Variants in MCC observed in about 807,000 individuals in gnomAD.
MCC encodes MCC regulator of Wnt signaling pathway.
A neutral mutation model predicts 116.2 loss-of-function variants in MCC; 90 were observed. That is an observed-to-expected ratio of 0.77 (90% CI 0.65 to 0.92). The LOEUF is 0.92. Ranked by LOEUF, MCC falls within the 40% of genes least tolerant of loss-of-function variation. MCC has a pLI of 0.00. For missense variants in MCC, 1,516 were observed against 1,312.2 expected, an observed-to-expected ratio of 1.16 and a Z score of -2.40; for synonymous variants, 578 against 510.5, an observed-to-expected ratio of 1.13 and a Z score of -1.78.
chr5:113,092,246 T>C (rs920811780), intron 8 of MCC, among the ~76,000 whole-genome samples: 5 of 151,944 alleles, frequency 3.3e-5, no homozygotes, highest in African/African-American at 1.2e-4. Context: ...AAGACCCCTC[T>C]AAGAGGGAAG....
chr5:113,213,441 T>C (rs888163594), intron 3 of MCC, among the ~76,000 whole-genome samples: 4 of 152,190 alleles, frequency 2.6e-5, no homozygotes, highest in African/African-American at 9.7e-5. Flanking sequence ...ACAGTGTTCA[T>C]GGCTTTCAGT....
chr5:113,186,882 C>T (rs1348531496), intron 3 of MCC, among the ~76,000 whole-genome samples: 1 of 151,976 alleles, frequency 6.6e-6, no homozygotes, highest in East Asian at 1.9e-4. Flanking sequence ...TTTTCACAAC[C>T]GGGGGAGGAT....
Position 113,386,043 on chromosome 5 carries a change from C to T in MCC, c.171-831G>A, listed in dbSNP as rs865877127. The stretch of plus-strand genomic sequence containing the variant: ...CCAAGAACATTTATGTGGAGGACAT[C>T]GGTTTGATCCCTGACATACAAGTCT... On this transcript the variant is annotated intron_variant, in intron 1 of 18. Transcript: ENST00000408903. Among the ~76,000 whole-genome samples the T allele has an allele frequency of 2.6e-5, 4 of 152,210 alleles. No individual in the cohort carries two copies. In the East Asian group the frequency reaches 5.8e-4, roughly 22 times the overall value.
intron 3 of MCC, among the ~76,000 whole-genome samples, chr5:113,179,808 G>A (rs116652026): frequency 0.013 from 1,940 of 152,278 alleles, 17 homozygotes; most frequent in Middle Eastern, 0.024. Flanking sequence ...AAGGCCTGCC[G>A]TGTTTACAAG....
intron 3 of MCC, among the ~76,000 whole-genome samples, chr5:113,311,248 C>T (rs1767128275): frequency 6.6e-6 from 1 of 152,246 alleles, no homozygotes; most frequent in Non-Finnish European, 1.5e-5. Context: ...TTGCCTATAA[C>T]TTTGTAGTAC....
At chr5:113,294,267 G>C (rs1258274582) in intron 3 of MCC, 3 of 1,610,704 alleles carry the variant, frequency 1.9e-6, no homozygotes, top group Non-Finnish European at 2.5e-6. Context: ...TCGAGGGGAG[G>C]GGGATTTGTG....
In MCC at chr5:113,314,584, T is replaced by C. The variant is rs146471634; in HGVS notation, c.627+25935A>G. 3.1e-3 allele frequency among the ~76,000 whole-genome samples: 466 copies of C among 152,172 alleles called. 4 individuals carry two copies. Among genetic ancestry groups the C allele is most frequent in the African/African-American group, 0.011 (447 of 41,516 alleles). On this transcript the variant is annotated intron_variant, in intron 3 of 18. Coordinates refer to ENST00000408903, the MANE Select transcript of MCC (RefSeq NM_001085377.2). ...ACTCTCCACCTTTGACCCCACTTGG[T>C]CATTTTTATTTTTATTTTTCTGAGA...
chr5:113,350,421 G>T (rs192393591), intron 2 of MCC, among the ~76,000 whole-genome samples: 4 of 152,174 alleles, frequency 2.6e-5, no homozygotes, highest in Admixed American at 2.0e-4. Context: ...TTTGACAAAG[G>T]TGTCAAGAAC....
intron 3 of MCC, among the ~76,000 whole-genome samples, chr5:113,155,884 T>C (rs949230581): frequency 6.6e-6 from 1 of 152,186 alleles, no homozygotes; most frequent in African/African-American, 2.4e-5. Context: ...CATCCTTCAG[T>C]GTAGTTTGCG....
intron 1 of MCC, among the ~76,000 whole-genome samples, chr5:113,404,737 T>C (rs26966): frequency 0.45 from 67,592 of 151,886 alleles, 16,597 homozygotes; most frequent in African/African-American, 0.65. Flanking sequence ...ATCTATACAA[T>C]GCCATGAATA....
At chr5:113,366,318 A>T (rs2150387194) in intron 2 of MCC, among the ~76,000 whole-genome samples, 1 of 152,112 alleles carries the variant, frequency 6.6e-6, no homozygotes, top group Non-Finnish European at 1.5e-5. Context: ...ATGAAATCTT[A>T]GTAGGTTTTT....
intron 14 of MCC, among the ~76,000 whole-genome samples, chr5:113,059,216 C>G (rs1325165826): frequency 6.6e-6 from 1 of 152,130 alleles, no homozygotes; most frequent in Non-Finnish European, 1.5e-5. Context: ...CTTTAAAATG[C>G]TTTTAGTGGA....
At chr5:113,437,777 T>G (rs929382915) in intron 1 of MCC, among the ~76,000 whole-genome samples, 1 of 152,208 alleles carries the variant, frequency 6.6e-6, no homozygotes, top group Admixed American at 6.5e-5. Context: ...ATATCCCAGA[T>G]AGTTGAGTTA....
At chr5:113,121,776 G>C (rs894432764) in intron 6 of MCC, among the ~76,000 whole-genome samples, 4 of 152,178 alleles carry the variant, frequency 2.6e-5, no homozygotes, top group African/African-American at 4.8e-5. Flanking sequence ...CTTTCTCCTG[G>C]TTCTTCTTCC....
In MCC at chr5:113,045,799, CA is replaced by C. The variant is rs70973664; in HGVS notation, c.2656-2170del. 1.2e-3 allele frequency among the ~76,000 whole-genome samples: 160 copies of C among 131,292 alleles called. 1 individual carries two copies. The highest frequency in any genetic ancestry group is 3.4e-3 in the African/African-American group (120 of 34,838). 86.1% of individuals were successfully genotyped at this position (131,292 alleles called of 152,430 possible). ...GGGCAACAAGAGTGAAACTCCATCT[CA>C]AAAAAAAAAAAAAAAATTAAATAAA... On this transcript the variant is annotated intron_variant, in intron 16 of 18. Transcript: ENST00000408903.
intron 14 of MCC, 120 bp from the exon 15 acceptor site, chr5:113,054,079 C>A: frequency 1.4e-6 from 1 of 701,038 alleles, no homozygotes; most frequent in Non-Finnish European, 2.4e-6. Flanking sequence ...GATGGTAATC[C>A]AAAAATCAGT....
At chr5:113,386,701 T>C (rs527784196) in intron 1 of MCC, among the ~76,000 whole-genome samples, 46 of 151,596 alleles carry the variant, frequency 3.0e-4, no homozygotes, top group African/African-American at 1.0e-3. Flanking sequence ...TTTTTACACA[T>C]AGCTACATGT....
intron 2 of MCC, among the ~76,000 whole-genome samples, chr5:113,382,004 C>A (rs1005313218): frequency 6.6e-6 from 1 of 152,104 alleles, no homozygotes; most frequent in Non-Finnish European, 1.5e-5. Context: ...TAGATGTGGG[C>A]AGAAAAGGAA....
chr5:113,106,346 T>C lies in MCC; in HGVS notation c.1028-1991A>G, dbSNP rs1186676811. Among the ~76,000 whole-genome samples, 4 of 100,700 alleles carry C rather than the reference T, an allele frequency of 4.0e-5. No individual in the cohort carries two copies. In the East Asian group the frequency reaches 1.2e-3, roughly 31 times the overall value. The allele number at this position is 100,700 out of a possible 152,430, so 66.1% of individuals were successfully genotyped here. ...ATTCACACTCCTTCCCCTCATTCAC[T>C]ATGCCCCATTCACACTCCTTCCCCT... On this transcript the variant is annotated intron_variant, in intron 6 of 18. Coordinates refer to ENST00000408903, the MANE Select transcript of MCC (RefSeq NM_001085377.2).
Sources: allele counts gnomAD v4.1 joint callset (sites outside exome capture counted in the v4.1 genomes callset), GRCh38; gene constraint gnomAD v4.1.1; transcripts MANE v1.5; gene names NCBI Gene and HGNC (gene_info 2026-07-23, HGNC 2026-07-21).